VWDE: variants seen among roughly 807,000 people sequenced by gnomAD.
The protein encoded by VWDE is von Willebrand factor D and EGF domains.
In VWDE, 207 loss-of-function variants were observed where a neutral mutation model predicts 178.4. The ratio of observed to expected loss-of-function variants is 1.16; its 90% CI spans 1.04 to 1.30. The LOEUF is 1.30. VWDE is among the 50% of genes most tolerant of loss of function. The pLI, the probability that VWDE is intolerant of heterozygous loss-of-function variation, is 0.00. For missense variants in VWDE, 2,287 were observed against 1,901.3 expected, an observed-to-expected ratio of 1.20 and a Z score of -3.77; for synonymous variants, 738 against 651.4, an observed-to-expected ratio of 1.13 and a Z score of -2.02.
Position 12,337,084 on chromosome 7 carries a change from C to G in VWDE, c.4463-1G>C, listed in dbSNP as rs4721087. 1 of 1,551,548 alleles carries G rather than the reference C, an allele frequency of 6.4e-7. No individual in the cohort carries two copies. Among genetic ancestry groups the G allele is most frequent in the Non-Finnish European group, 8.7e-7 (1 of 1,146,896 alleles). On this transcript the variant is annotated splice_acceptor_variant, in intron 25 of 28. Transcript: ENST00000275358. LOFTEE classifies it high-confidence loss of function. ...TTCATGCACGTAGGATCACAGATGC[C>G]TTAAGGTAAAAGCATGAAAAGTCAG...
intron 9 of VWDE, among the ~76,000 whole-genome samples, chr7:12,374,339 T>G (rs905892867): frequency 6.6e-6 from 1 of 152,084 alleles, no homozygotes; most frequent in African/African-American, 2.4e-5. Flanking sequence ...TGCCTAAACT[T>G]AAAGATTGTT....
At chr7:12,391,625 A>T (rs1395290205) in intron 2 of VWDE, among the ~76,000 whole-genome samples, 1 of 152,192 alleles carries the variant, frequency 6.6e-6, no homozygotes, top group Non-Finnish European at 1.5e-5. Flanking sequence ...TTCTTTACAA[A>T]TGAAGTGTCA....
chr7:12,395,080 AT>A (rs1047883894), intron 1 of VWDE, among the ~76,000 whole-genome samples: 4 of 152,050 alleles, frequency 2.6e-5, no homozygotes, highest in Admixed American at 2.6e-4. Flanking sequence ...TCTCTACAGA[AT>A]TTTTTTTAGT....
At chr7:12,395,654 A>T (rs1226283793) in intron 1 of VWDE, among the ~76,000 whole-genome samples, 1 of 152,018 alleles carries the variant, frequency 6.6e-6, no homozygotes, top group African/African-American at 2.4e-5. Context: ...TTTTAAATTC[A>T]TATATTTTAT....
In VWDE at chr7:12,397,768, T is replaced by C. The variant is rs1007069799; in HGVS notation, c.59-3990A>G. ...TGGGCAAAAGACATGAACAGATGCC[T>C]CTCAAAAGATGACATACAAATGGCC... On this transcript the variant is annotated intron_variant, in intron 1 of 28. Transcript: ENST00000275358. Among the ~76,000 whole-genome samples the C allele has an allele frequency of 2.8e-4, 43 of 152,238 alleles. 1 individual carries two copies. The highest frequency in any genetic ancestry group is 1.9e-4 in the Non-Finnish European group (13 of 68,004).
chr7:12,369,488 C>A (rs1170176020), intron 12 of VWDE, 57 bp downstream of exon 12: 2 of 1,457,296 alleles, frequency 1.4e-6, no homozygotes, highest in African/African-American at 2.9e-5. Context: ...AAAGATCAAA[C>A]ACATTTTTAT....
At position 12,388,067 on chromosome 7, in the gene VWDE, G is replaced by C. The variant is rs555578208; in HGVS notation, c.475+1060C>G. Among the ~76,000 whole-genome samples the C allele has an allele frequency of 1.9e-4, 29 of 152,110 alleles. No individual in the cohort carries two copies. The South Asian group carries it at 5.8e-3, about 30-fold the overall frequency. ...CTGAATTTTTCAATTTTCCCAATCA[G>C]GATATCCCATTGCATTATTCATTAT... On this transcript the variant is annotated intron_variant, in intron 3 of 28. Transcript: ENST00000275358.
rs956858377 is a variant in VWDE at position 12,374,123 on chromosome 7, G to A, written c.1316+566C>T. Among the ~76,000 whole-genome samples the A allele has an allele frequency of 3.9e-5, 6 of 152,000 alleles. No individual in the cohort carries two copies. The East Asian group carries it at 9.6e-4, about 24-fold the overall frequency. On this transcript the variant is annotated intron_variant, in intron 9 of 28. Coordinates refer to ENST00000275358, the MANE Select transcript of VWDE (RefSeq NM_001135924.3). ...CTCAGAACCATGAATCTCCCAGAAC[G>A]ATATAACTGAGTTTAAATCTTTCTA...
chr7:12,383,709 C>CCTG, intron 3 of VWDE, 108 bp from the exon 4 acceptor site: 1 of 917,610 alleles, frequency 1.1e-6, no homozygotes, highest in South Asian at 1.8e-5. Flanking sequence ...CAGACTAAGA[C>CCTG]TTTCTTAATT....
Position 12,357,249 on chromosome 7 carries a change from T to A in VWDE, c.3525+16A>T, listed in dbSNP as rs1191842489. ...GCAAAAGAATCCAGTGGCACTTATG[T>A]AATTATAAAGATTACCTCAATCGTG... On this transcript the variant is annotated intron_variant, in intron 17 of 28. Coordinates refer to ENST00000275358, the MANE Select transcript of VWDE (RefSeq NM_001135924.3). 1.9e-6 allele frequency: 3 copies of A among 1,547,738 alleles called. No homozygotes were observed. Among genetic ancestry groups the A allele is most frequent in the South Asian group, 1.2e-5 (1 of 83,732 alleles).
chr7:12,336,499 C>A (rs1303264897), intron 26 of VWDE, among the ~76,000 whole-genome samples: 2 of 152,112 alleles, frequency 1.3e-5, no homozygotes, highest in Non-Finnish European at 2.9e-5. Flanking sequence ...ATCTATGTTG[C>A]TTCTCATTTT....
At chr7:12,376,696 C>A (rs1381619400) in intron 7 of VWDE, among the ~76,000 whole-genome samples, 1 of 151,840 alleles carries the variant, frequency 6.6e-6, no homozygotes, top group Non-Finnish European at 1.5e-5. Flanking sequence ...TCAAATAGTC[C>A]GAGAGAGGGT....
At chr7:12,391,338 A>T (rs1325302958) in intron 2 of VWDE, among the ~76,000 whole-genome samples, 1 of 152,176 alleles carries the variant, frequency 6.6e-6, no homozygotes, top group Non-Finnish European at 1.5e-5. Flanking sequence ...GAGAAAAAAA[A>T]TCTATTGATT....
At position 12,369,653 on chromosome 7, in the gene VWDE, G is replaced by A; in HGVS notation, c.2653C>T (p.Leu885Phe). The change falls in exon 12 of 29, where the codon CTC (leucine) becomes TTC (phenylalanine). Residue 885 changes from leucine (L) to phenylalanine (F), a missense_variant. Leu to Phe is a conservative substitution (Grantham distance 22). Transcript: ENST00000275358. ...AAATTGGGGCATTTTAATACTGAGA[G>A]AATGTCTTCAATTGATGTGCCATAC... ...EEYGTSIEDI[L>F]SVLKCPNLCS... 6.4e-7 allele frequency: 1 copy of A among 1,551,626 alleles called. No homozygotes were observed. The highest frequency in any genetic ancestry group is 2.4e-5 in the East Asian group (1 of 40,904).
At chr7:12,388,998 A>G (rs1350079989) in intron 3 of VWDE, 129 bp downstream of exon 3, 3 of 804,842 alleles carry the variant, frequency 3.7e-6, no homozygotes, top group South Asian at 1.5e-5. Context: ...TTTAGCTTCA[A>G]TCTAGCAATA....
At chr7:12,399,609 A>C (rs944910105) in intron 1 of VWDE, among the ~76,000 whole-genome samples, 3 of 152,152 alleles carry the variant, frequency 2.0e-5, no homozygotes, top group African/African-American at 7.2e-5. Context: ...AAAATATCAG[A>C]ATATAAATTT....
intron 19 of VWDE, among the ~76,000 whole-genome samples, chr7:12,346,226 A>G (rs1305041966): frequency 6.6e-6 from 1 of 152,172 alleles, no homozygotes; most frequent in Non-Finnish European, 1.5e-5. Context: ...AAGATTTTGA[A>G]ATGGCTAACA....
At chr7:12,385,824 C>T (rs1311647281) in intron 3 of VWDE, among the ~76,000 whole-genome samples, 1 of 152,048 alleles carries the variant, frequency 6.6e-6, no homozygotes, top group Non-Finnish European at 1.5e-5. Flanking sequence ...CAATTGTCTC[C>T]CAGAATTCCT....
rs1382896752 is a variant in VWDE, at chr7:12,393,870, TA to T, written c.59-93del. ...TAAAATTGATTCCCAAAACAAAAAA[TA>T]AAGCAAATAAACTCACTATTGCACA... On this transcript the variant is annotated intron_variant, in intron 1 of 28. Coordinates refer to ENST00000275358, the MANE Select transcript of VWDE (RefSeq NM_001135924.3). The T allele has an allele frequency of 4.4e-6, 5 of 1,129,020 alleles. No homozygotes were observed. The African/African-American group carries it at 6.4e-5, about 14-fold the overall frequency. 69.9% of individuals were successfully genotyped at this position (1,129,020 alleles called of 1,614,324 possible). A position where few individuals can be genotyped will look rare whatever the true frequency, so the allele number is the denominator to read the frequency against.
Sources: allele counts gnomAD v4.1 joint callset (sites outside exome capture counted in the v4.1 genomes callset), GRCh38; gene constraint gnomAD v4.1.1; transcripts MANE v1.5; gene names NCBI Gene and HGNC (gene_info 2026-07-23, HGNC 2026-07-21).